Variants in CAPZB observed in about 807,000 individuals in gnomAD.
CAPZB encodes capping actin protein of muscle Z-line subunit beta.
In CAPZB, 2 loss-of-function variants were observed where a neutral mutation model predicts 38.1. The observed-to-expected ratio is 0.05, with a 90% CI of 0.02 to 0.17. The LOEUF (loss-of-function observed/expected upper bound fraction) is 0.17, where lower values mean the gene tolerates loss of function less well. Among genes scored for constraint, CAPZB ranks in the 10% least tolerant of loss-of-function variants. The pLI is 1.00. For missense variants in CAPZB, 161 were observed against 334.2 expected (o/e 0.48, Z 4.04); for synonymous variants, 107 against 127.4 (o/e 0.84, Z 1.08).
At chr1:19,417,205 C>A (rs1463094770) in intron 2 of CAPZB, among the ~76,000 whole-genome samples, 1 of 152,202 alleles carries the variant, frequency 6.6e-6, no homozygotes, top group Non-Finnish European at 1.5e-5. Context: ...AGAAAAGACA[C>A]AGCTGTAGTA....
At chr1:19,460,326 C>T (rs2094546857) in intron 1 of CAPZB, among the ~76,000 whole-genome samples, 1 of 152,160 alleles carries the variant, frequency 6.6e-6, no homozygotes, top group South Asian at 2.1e-4. Context: ...GCCCAGGCTA[C>T]AGCACTGTGG....
intron 1 of CAPZB, among the ~76,000 whole-genome samples, chr1:19,455,160 G>A (rs1208062126): frequency 1.6e-4 from 24 of 152,060 alleles, no homozygotes; most frequent in Admixed American, 1.3e-3. Flanking sequence ...CATGCCTCCC[G>A]TCCCGGGAGC....
At chr1:19,371,714 T>C (rs2094120458) in intron 4 of CAPZB, among the ~76,000 whole-genome samples, 1 of 152,146 alleles carries the variant, frequency 6.6e-6, no homozygotes, top group African/African-American at 2.4e-5. Flanking sequence ...CTGCACTCTT[T>C]CCCTGGAAAA....
intron 1 of CAPZB, among the ~76,000 whole-genome samples, chr1:19,452,863 G>A (rs1333965510): frequency 6.7e-6 from 1 of 150,144 alleles, no homozygotes; most frequent in African/African-American, 2.5e-5. Context: ...GAATGCAGTG[G>A]AGCGCTCTTG....
At chr1:19,390,122 G>C (rs944431350) in intron 2 of CAPZB, among the ~76,000 whole-genome samples, 1 of 152,220 alleles carries the variant, frequency 6.6e-6, no homozygotes, top group Non-Finnish European at 1.5e-5. Flanking sequence ...TGAAGGCAGT[G>C]TATCTCTGTA....
At chr1:19,417,875 G>A (rs2094386606) in intron 2 of CAPZB, among the ~76,000 whole-genome samples, 1 of 152,038 alleles carries the variant, frequency 6.6e-6, no homozygotes, top group Non-Finnish European at 1.5e-5. Context: ...TGTGGCTCAC[G>A]CCTGTAATCC....
At chr1:19,437,408 C>T (rs781027110) in intron 1 of CAPZB, among the ~76,000 whole-genome samples, 5 of 152,198 alleles carry the variant, frequency 3.3e-5, no homozygotes, top group Non-Finnish European at 5.9e-5. Flanking sequence ...GGCCACGCAC[C>T]GCTGAGTCCC....
intron 1 of CAPZB, among the ~76,000 whole-genome samples, chr1:19,483,414 C>G (rs935198917): frequency 6.6e-6 from 1 of 152,232 alleles, no homozygotes; most frequent in Non-Finnish European, 1.5e-5. Context: ...TGAGCCTCAG[C>G]TGCCTCATCT....
chr1:19,408,024 T>C (rs1020427185), intron 2 of CAPZB, among the ~76,000 whole-genome samples: 1 of 152,158 alleles, frequency 6.6e-6, no homozygotes, highest in Non-Finnish European at 1.5e-5. Flanking sequence ...ATCCTTACCT[T>C]GACAAGTTCT....
intron 2 of CAPZB, among the ~76,000 whole-genome samples, chr1:19,393,964 C>T (rs1198462387): frequency 6.6e-6 from 1 of 152,206 alleles, no homozygotes; most frequent in Non-Finnish European, 1.5e-5. Flanking sequence ...CCTCTCTCCT[C>T]TTTAAGAAGT....
intron 2 of CAPZB, among the ~76,000 whole-genome samples, chr1:19,401,105 G>A (rs1208145618): frequency 6.6e-6 from 1 of 151,922 alleles, no homozygotes; most frequent in African/African-American, 2.4e-5. Flanking sequence ...ATGCCATGGT[G>A]AGAGACACTC....
intron 4 of CAPZB, among the ~76,000 whole-genome samples, chr1:19,376,519 G>A (rs893231273): frequency 6.6e-6 from 1 of 152,196 alleles, no homozygotes; most frequent in Non-Finnish European, 1.5e-5. Flanking sequence ...CCAGTCTCAG[G>A]GCCTTAGACA....
chr1:19,438,110 A>G (rs2094463928), intron 1 of CAPZB, among the ~76,000 whole-genome samples: 2 of 152,152 alleles, frequency 1.3e-5, no homozygotes, highest in South Asian at 2.1e-4. Flanking sequence ...GACCGGGCAC[A>G]TGGTTCCGAG....
chr1:19,410,770 C>T (rs2094353945), intron 2 of CAPZB, among the ~76,000 whole-genome samples: 2 of 152,118 alleles, frequency 1.3e-5, no homozygotes, highest in Admixed American at 1.3e-4. Flanking sequence ...TTTGGCAGGA[C>T]ATTTAAGAAA....
chr1:19,412,474 G>C (rs2094361384), intron 2 of CAPZB, among the ~76,000 whole-genome samples: 1 of 152,112 alleles, frequency 6.6e-6, no homozygotes, highest in Admixed American at 6.5e-5. Context: ...TTACGAGATG[G>C]GGTCTAGTTA....
chr1:19,432,042 C>CAAAAAAAAAAAAAAAAAAA (rs10583269), intron 1 of CAPZB, among the ~76,000 whole-genome samples: 20 of 122,534 alleles, frequency 1.6e-4, no homozygotes, highest in South Asian at 2.9e-4. Flanking sequence ...GATCCTGTCT[C>CAAAAAAAAAAAAAAAAAAA]AAAAAAAAAA....
In CAPZB at chr1:19,484,056, G is replaced by A. The variant is rs2094640799; in HGVS notation, c.3+1380C>T. ...GGCCTGTCCTGCAGAAGGGTCAAGTGGCAGGAGGGCAGGTCTATCTGTGGG... is the reference window on the plus strand; with the variant it reads ...GGCCTGTCCTGCAGAAGGGTCAAGTAGCAGGAGGGCAGGTCTATCTGTGGG... On this transcript the variant is annotated intron_variant, in intron 1 of 8. Coordinates refer to ENST00000264202, the MANE Select transcript of CAPZB (RefSeq NM_004930.5). 5.9e-6 allele frequency: 5 copies of A among 850,706 alleles called. No individual in the cohort carries two copies. In the East Asian group the frequency reaches 1.4e-4, roughly 24 times the overall value. 52.7% of individuals were successfully genotyped at this position (850,706 alleles called of 1,614,324 possible). A position where few individuals can be genotyped will look rare whatever the true frequency, so the allele number is the denominator to read the frequency against.
chr1:19,392,801 G>A (rs898215779), intron 2 of CAPZB, among the ~76,000 whole-genome samples: 2 of 152,144 alleles, frequency 1.3e-5, no homozygotes, highest in African/African-American at 4.8e-5. Context: ...AAGAAAAAAA[G>A]TGTTTACTTA....
At chr1:19,373,753 A>C (rs1296848583) in intron 4 of CAPZB, among the ~76,000 whole-genome samples, 2 of 151,566 alleles carry the variant, frequency 1.3e-5, no homozygotes, top group Non-Finnish European at 2.9e-5. Context: ...GTATGATGGC[A>C]TGACTATAGC....
Sources: allele counts gnomAD v4.1 joint callset (sites outside exome capture counted in the v4.1 genomes callset), GRCh38; gene constraint gnomAD v4.1.1; transcripts MANE v1.5; gene names NCBI Gene and HGNC (gene_info 2026-07-23, HGNC 2026-07-21).